TBC1D20: variants seen among roughly 807,000 people sequenced by gnomAD.
TBC1D20 encodes the protein TBC1 domain family member 20.
A neutral mutation model predicts 41.6 loss-of-function variants in TBC1D20; 12 were observed. The ratio of observed to expected loss-of-function variants is 0.29; its 90% CI spans 0.18 to 0.47. TBC1D20 has a LOEUF of 0.47. TBC1D20 is among the 20% of genes least tolerant of loss of function. TBC1D20 has a pLI of 1.00. For synonymous variants in TBC1D20, 205 were observed against 204.8 expected (o/e 1.00, Z -0.01); for missense variants, 421 against 517.4 (o/e 0.81, Z 1.81).
At chr20:441,121 A>T (rs1181176350) in intron 5 of TBC1D20, 1 of 155,440 alleles carries the variant, frequency 6.4e-6, no homozygotes, top group Non-Finnish European at 1.4e-5. Flanking sequence ...ATTACCTTTT[A>T]AAAAATTTTA....
rs935893028 is a variant in TBC1D20 at position 439,676 on chromosome 20, T to C, written c.769-381A>G. Among the ~76,000 whole-genome samples, 2 of 152,176 alleles carry C rather than the reference T, an allele frequency of 1.3e-5. No individual in the cohort carries two copies. Among genetic ancestry groups the C allele is most frequent in the African/African-American group, 4.8e-5 (2 of 41,436 alleles). On this transcript the variant is annotated intron_variant, in intron 6 of 7. Transcript: ENST00000354200. The surrounding 1 kb of genome is among the most constrained non-coding windows in gnomAD (Gnocchi z 4.6). Reference sequence around the variant, plus strand: ...GCATAGAAGAAATGGTTCAAAACAGTAGAAAGAACAGTCTTGCTCCCTTTA... The same window carrying C: ...GCATAGAAGAAATGGTTCAAAACAGCAGAAAGAACAGTCTTGCTCCCTTTA...
chr20:442,411 A>G (rs1380109773), intron 3 of TBC1D20, among the ~76,000 whole-genome samples: 1 of 152,222 alleles, frequency 6.6e-6, no homozygotes, highest in East Asian at 1.9e-4. Flanking sequence ...ACAGACCTCA[A>G]TCTCACAATG....
chr20:438,911 T>C (rs2017172505), intron 7 of TBC1D20, 70 bp from the exon 8 acceptor site: 6 of 1,576,222 alleles, frequency 3.8e-6, no homozygotes, highest in Admixed American at 1.7e-5. Flanking sequence ...CTACACCACA[T>C]AGGCTGCGGG....
In TBC1D20 at chr20:462,316, G is replaced by T. The variant is rs1822967105; in HGVS notation, c.70+20C>A. On this transcript the variant is annotated intron_variant, in intron 1 of 7. Transcript: ENST00000354200. ...GCCGCCCTCGCAGGCCGCTCCCGGCGCCCCGGTCGGCTTCCGTACCTGCCT... is the reference window on the plus strand; with the variant it reads ...GCCGCCCTCGCAGGCCGCTCCCGGCTCCCCGGTCGGCTTCCGTACCTGCCT... 1.6e-6 allele frequency: 2 copies of T among 1,280,970 alleles called. No homozygotes were observed. Among genetic ancestry groups the T allele is most frequent in the Non-Finnish European group, 2.0e-6 (2 of 1,005,642 alleles). The allele number at this position is 1,280,970 out of a possible 1,614,324, so 79.4% of individuals were successfully genotyped here. A position where few individuals can be genotyped will look rare whatever the true frequency, so the allele number is the denominator to read the frequency against.
rs1374059081 is a variant in TBC1D20 at position 436,712 on chromosome 20, G to A, written c.*1874C>T. ...CTGGAAGAATTTCCTTTGCCCTGAT[G>A]AATACACCACTGTCTAAATTAATCC... On this transcript the variant is annotated 3_prime_UTR_variant, in exon 8 of 8. Transcript: ENST00000354200. 1 of 153,732 alleles carries A rather than the reference G, an allele frequency of 6.5e-6. No individual in the cohort carries two copies. Among genetic ancestry groups the A allele is most frequent in the Non-Finnish European group, 1.5e-5 (1 of 68,070 alleles). The allele number at this position is 153,732 out of a possible 1,614,324, so 9.5% of individuals were successfully genotyped here.
At position 445,073 on chromosome 20, in the gene TBC1D20, C is replaced by T. The variant is rs1385183926; in HGVS notation, c.314G>A (p.Arg105Gln). Residue 105 changes from arginine to glutamine, a missense_variant, in exon 3 of 8, where the codon CGG (arginine) becomes CAG (glutamine). Physicochemically the swap from Arg to Gln is conservative, Grantham distance 43. Transcript: ENST00000354200. ...DYQQVLLDVR[R>Q]SLRRFPPGMP... ...ACCAGGAGGGAACCGCCGCAATGAC[C>T]GCCGGACGTCCAGCAACACTTGTTG... 4 of 1,605,372 alleles carry T rather than the reference C, an allele frequency of 2.5e-6. No individual in the cohort carries two copies. The highest frequency in any genetic ancestry group is 1.1e-5 in the South Asian group (1 of 89,754).
rs2017130997 is a variant in TBC1D20 at position 437,007 on chromosome 20, G to A, written c.*1579C>T. 6.6e-6 allele frequency: 1 copy of A among 152,222 alleles called. No homozygotes were observed. The highest frequency in any genetic ancestry group is 1.5e-5 in the Non-Finnish European group (1 of 68,064). 9.4% of individuals were successfully genotyped at this position (152,222 alleles called of 1,614,324 possible). ...AGGTGCCTGTAGTCCCAGCTACTCG[G>A]GAGGCTGAGGCAGCGAGAATTGCCT... On this transcript the variant is annotated 3_prime_UTR_variant, in exon 8 of 8. Coordinates refer to ENST00000354200, the MANE Select transcript of TBC1D20 (RefSeq NM_144628.4).
chr20:449,899 C>T (rs796555666), intron 1 of TBC1D20, among the ~76,000 whole-genome samples: 9 of 152,300 alleles, frequency 5.9e-5, no homozygotes, highest in African/African-American at 1.9e-4. Context: ...CAAGGAATTA[C>T]AACTATAATA....
intron 1 of TBC1D20, among the ~76,000 whole-genome samples, chr20:456,330 T>C (rs2017539202): frequency 7.4e-6 from 1 of 136,026 alleles, no homozygotes; most frequent in African/African-American, 2.6e-5. Flanking sequence ...TTGACTCAGG[T>C]GTGTCCTTTC....
chr20:453,166 A>C (rs2017476718), intron 1 of TBC1D20, among the ~76,000 whole-genome samples: 1 of 127,794 alleles, frequency 7.8e-6, no homozygotes, highest in South Asian at 2.6e-4. Flanking sequence ...AAAAAAAAAA[A>C]AAAAAAAAAA....
chr20:447,606 T>C (rs1600334985), intron 2 of TBC1D20, among the ~76,000 whole-genome samples: 1 of 152,094 alleles, frequency 6.6e-6, no homozygotes, highest in South Asian at 2.1e-4. Context: ...TGCAGTGAGC[T>C]GAGATTGTGC....
In TBC1D20 at chr20:446,106, T is replaced by G. The variant is rs532559816; in HGVS notation, c.257-976A>C. ...CATAGCACAACTAATATTTGCCAAC[T>G]GAAAGAATCCTCAGCACTTGGCATT... is the stretch of plus-strand genomic sequence containing the variant. On this transcript the variant is annotated intron_variant, in intron 2 of 7. Transcript: ENST00000354200. Among the ~76,000 whole-genome samples, 4 of 152,406 alleles carry G rather than the reference T, an allele frequency of 2.6e-5. No individual in the cohort carries two copies. In the South Asian group the frequency reaches 8.3e-4, roughly 32 times the overall value.
chr20:462,129 C>T (rs1337609815), intron 1 of TBC1D20, among the ~76,000 whole-genome samples: 3 of 152,186 alleles, frequency 2.0e-5, no homozygotes, highest in Non-Finnish European at 4.4e-5. Context: ...CTCGGGTCAG[C>T]TCGGCACCCG....
In TBC1D20 at chr20:462,398, A is replaced by G; in HGVS notation, c.8T>C (p.Leu3Pro). The change falls in exon 1 of 8, where the codon CTC (leucine) becomes CCC (proline). Residue 3 changes from leucine (L) to proline (P), a missense_variant. Leu to Pro is a moderately conservative substitution (Grantham distance 98). Transcript: ENST00000354200. ...GGGGCCGTCGCCCTGCGCACTCCGG[A>G]GGGCCATGCCCCGGGGCCCCGGGCC... MA[L>P]RSAQGDGPTS... 1 of 1,267,552 alleles carries G rather than the reference A, an allele frequency of 7.9e-7. No individual in the cohort carries two copies. The highest frequency in any genetic ancestry group is 3.2e-5 in the Admixed American group (1 of 31,246). The allele number at this position is 1,267,552 out of a possible 1,614,324, so 78.5% of individuals were successfully genotyped here.
At chr20:445,850 C>T (rs1250307336) in intron 2 of TBC1D20, among the ~76,000 whole-genome samples, 2 of 152,180 alleles carry the variant, frequency 1.3e-5, no homozygotes, top group African/African-American at 2.4e-5. Flanking sequence ...GTAGGCTTCA[C>T]GGTATAAAAA....
rs1201528723 is a variant in TBC1D20 at position 438,422 on chromosome 20, A to G, written c.*164T>C. 1.3e-6 allele frequency: 1 copy of G among 765,720 alleles called. No individual in the cohort carries two copies. The highest frequency in any genetic ancestry group is 2.1e-6 in the Non-Finnish European group (1 of 480,910). 47.4% of individuals were successfully genotyped at this position (765,720 alleles called of 1,614,324 possible). ...CCCTCTGTGTCAGGTAGGCTCTGCT[A>G]CTGGCCTCTGAAGTAAAGGCAAACA... On this transcript the variant is annotated 3_prime_UTR_variant, in exon 8 of 8. Transcript: ENST00000354200.
At chr20:452,065 T>C (rs1236844409) in intron 1 of TBC1D20, among the ~76,000 whole-genome samples, 2 of 151,326 alleles carry the variant, frequency 1.3e-5, no homozygotes. Flanking sequence ...TCCCAGCACT[T>C]TGGGAGGCTG....
rs1232382332 is a variant in TBC1D20, at chr20:448,009, C to T, written c.136G>A (p.Asp46Asn). The T allele has an allele frequency of 6.2e-7, 1 of 1,614,026 alleles. No homozygotes were observed. The highest frequency in any genetic ancestry group is 1.3e-5 in the African/African-American group (1 of 74,934). Residue 46 changes from aspartate to asparagine, a missense_variant, in exon 2 of 8, where the codon GAT (aspartate) becomes AAT (asparagine). Physicochemically the swap from Asp to Asn is conservative, Grantham distance 23 (BLOSUM62 1). Around this residue, in one of 3 missense-constraint regions of TBC1D20, gnomAD observed 150 missense variants for 151.3 expected, o/e 0.99. Coordinates refer to ENST00000354200, the MANE Select transcript of TBC1D20 (RefSeq NM_144628.4). ...GCCATGCGTCTAAGGGCAGCCACAT[C>T]AGTGGGATCACTGTTCAGAGCCTGG... ...IHQALNSDPT[D>N]VAALRRMAIS...
chr20:459,892 A>G (rs527896951), intron 1 of TBC1D20, among the ~76,000 whole-genome samples: 184 of 152,270 alleles, frequency 1.2e-3, no homozygotes, highest in Admixed American at 3.1e-3. Context: ...AATCCAGGTA[A>G]AGATTTCTGC....
Sources: gnomAD v4.1 joint callset for allele counts (sites outside exome capture counted in the v4.1 genomes callset) on GRCh38, gnomAD v4.1.1 for gene constraint, gnomAD v4.1.1 regional missense constraint, Gnocchi (gnomAD v3.1) non-coding constraint, MANE v1.5 for transcripts, NCBI Gene and HGNC (gene_info 2026-07-23, HGNC 2026-07-21) for gene names.